Variants in UBE2E2 observed in about 807,000 individuals in gnomAD.
UBE2E2 encodes the protein ubiquitin-conjugating enzyme E2 E2.
Under a neutral mutation model 24.7 loss-of-function variants are expected in UBE2E2, and 6 were observed. The observed-to-expected ratio is 0.24, with a 90% CI of 0.13 to 0.48. The LOEUF (loss-of-function observed/expected upper bound fraction) is 0.48, where lower values mean the gene tolerates loss of function less well. Among genes scored for constraint, UBE2E2 ranks in the 20% least tolerant of loss-of-function variants. The pLI, the probability that UBE2E2 is intolerant of heterozygous loss-of-function variation, is 0.99. For missense variants in UBE2E2, 169 were observed against 245.0 expected (o/e 0.69, Z 2.07); for synonymous variants, 104 against 83.6 (o/e 1.24, Z -1.33).
At chr3:23,300,787 T>A (rs867660239) in intron 3 of UBE2E2, among the ~76,000 whole-genome samples, 1 of 152,106 alleles carries the variant, frequency 6.6e-6, no homozygotes, top group African/African-American at 2.4e-5. Flanking sequence ...TCGAGAAGTA[T>A]CTTTGTGGTG....
intron 3 of UBE2E2, among the ~76,000 whole-genome samples, chr3:23,260,650 A>G (rs778123160): frequency 1.3e-5 from 2 of 152,084 alleles, no homozygotes; most frequent in Non-Finnish European, 2.9e-5. Context: ...CCATCTCTAC[A>G]AAAAGAAGGA....
At chr3:23,222,716 T>C (rs954155247) in intron 3 of UBE2E2, among the ~76,000 whole-genome samples, 2 of 152,198 alleles carry the variant, frequency 1.3e-5, no homozygotes, top group Admixed American at 1.3e-4. Flanking sequence ...AATGGACTAA[T>C]ATATAAATAT....
intron 3 of UBE2E2, among the ~76,000 whole-genome samples, chr3:23,414,127 G>C (rs911382351): frequency 3.3e-5 from 5 of 152,164 alleles, no homozygotes; most frequent in African/African-American, 1.2e-4. Flanking sequence ...TTCAGCATGA[G>C]AAATTCCATG....
intron 4 of UBE2E2, among the ~76,000 whole-genome samples, chr3:23,514,519 C>G (rs560435328): frequency 6.6e-6 from 1 of 152,194 alleles, no homozygotes; most frequent in South Asian, 2.1e-4. Flanking sequence ...ACCCAGAAGG[C>G]AGGGCCTTGC....
chr3:23,301,047 C>G (rs984665134), intron 3 of UBE2E2, among the ~76,000 whole-genome samples: 2 of 152,230 alleles, frequency 1.3e-5, no homozygotes, highest in Admixed American at 6.5e-5. Flanking sequence ...TCTTCCATCA[C>G]TGATACCCTT....
chr3:23,350,187 A>G (rs1195440880), intron 3 of UBE2E2, among the ~76,000 whole-genome samples: 1 of 152,212 alleles, frequency 6.6e-6, no homozygotes, highest in Non-Finnish European at 1.5e-5. Flanking sequence ...TGTCTGTTAG[A>G]AGGAAAACTA....
At chr3:23,296,903 G>C (rs1195434545) in intron 3 of UBE2E2, among the ~76,000 whole-genome samples, 1 of 152,050 alleles carries the variant, frequency 6.6e-6, no homozygotes, top group African/African-American at 2.4e-5. Context: ...CACAATCGTT[G>C]AACTAGTTTA....
chr3:23,477,952 A>T (rs980692274), intron 3 of UBE2E2, among the ~76,000 whole-genome samples: 1 of 152,184 alleles, frequency 6.6e-6, no homozygotes, highest in African/African-American at 2.4e-5. Flanking sequence ...TCACTCTGTG[A>T]GGAAGGAGGT....
chr3:23,357,896 T>TA (rs1218615910), intron 3 of UBE2E2, among the ~76,000 whole-genome samples: 1 of 152,218 alleles, frequency 6.6e-6, no homozygotes, highest in African/African-American at 2.4e-5. Context: ...TGGCATGCAC[T>TA]GGCACAATCA....
chr3:23,375,268 A>G (rs1696493276), intron 3 of UBE2E2, among the ~76,000 whole-genome samples: 2 of 152,204 alleles, frequency 1.3e-5, no homozygotes, highest in Non-Finnish European at 1.5e-5. Context: ...TGGGAATCAA[A>G]CTCTGGAAAA....
chr3:23,366,039 C>T (rs962999511), intron 3 of UBE2E2, among the ~76,000 whole-genome samples: 2 of 152,070 alleles, frequency 1.3e-5, no homozygotes, highest in African/African-American at 4.8e-5. Context: ...ATAAGTGGTG[C>T]TGTGATAACT....
At chr3:23,431,200 C>T (rs781372933) in intron 3 of UBE2E2, among the ~76,000 whole-genome samples, 3 of 152,122 alleles carry the variant, frequency 2.0e-5, no homozygotes, top group Non-Finnish European at 4.4e-5. Context: ...TTTTCACAGG[C>T]TTTGGTGTGA....
intron 5 of UBE2E2, among the ~76,000 whole-genome samples, chr3:23,563,122 TG>T (rs1431006990): frequency 3.9e-5 from 6 of 152,184 alleles, no homozygotes; most frequent in African/African-American, 1.4e-4. Context: ...CTTTTGAATG[TG>T]TTTGCTCTTG....
At chr3:23,261,003 T>C (rs985979222) in intron 3 of UBE2E2, among the ~76,000 whole-genome samples, 10 of 152,108 alleles carry the variant, frequency 6.6e-5, no homozygotes, top group Admixed American at 5.9e-4. Flanking sequence ...CCTGGGAAGC[T>C]GATGTGGGAG....
intron 3 of UBE2E2, among the ~76,000 whole-genome samples, chr3:23,450,693 G>A (rs570787310): frequency 2.0e-5 from 3 of 151,736 alleles, no homozygotes; most frequent in South Asian, 2.1e-4. Context: ...TAAATATTCC[G>A]GCTTTATTTT....
chr3:23,314,927 T>G (rs60407944), intron 3 of UBE2E2, among the ~76,000 whole-genome samples: 50,674 of 152,010 alleles, frequency 0.33, 8,642 homozygotes, highest in South Asian at 0.37. Flanking sequence ...TGAGGTGGTC[T>G]TCTTTGGGTT....
intron 3 of UBE2E2, among the ~76,000 whole-genome samples, chr3:23,242,787 G>T (rs551493255): frequency 1.3e-5 from 2 of 152,184 alleles, no homozygotes; most frequent in East Asian, 3.9e-4. Flanking sequence ...TAATTGCTTT[G>T]CTTGAAAATA....
Position 23,504,940 on chromosome 3 carries a change from AC to A in UBE2E2, c.360+5201del, listed in dbSNP as rs540895110. Among the ~76,000 whole-genome samples, 42 of 43,808 alleles carry A rather than the reference AC, an allele frequency of 9.6e-4. 1 individual carries two copies. Among genetic ancestry groups the A allele is most frequent in the African/African-American group, 5.4e-3 (40 of 7,456 alleles). The allele number at this position is 43,808 out of a possible 152,430, so 28.7% of individuals were successfully genotyped here. A position where few individuals can be genotyped will look rare whatever the true frequency, so the allele number is the denominator to read the frequency against. On this transcript the variant is annotated intron_variant, in intron 4 of 5. Transcript: ENST00000396703. The stretch of plus-strand genomic sequence containing the variant: ...TTTTTTTTTTTTGAGACAGGGTCTC[AC>A]TCTGGGGCCCAGGCTGGAGTGCAGT...
chr3:23,288,907 C>G (rs1249536522), intron 3 of UBE2E2, among the ~76,000 whole-genome samples: 17 of 152,208 alleles, frequency 1.1e-4, no homozygotes, highest in Admixed American at 1.1e-3. Context: ...CATATTCTCT[C>G]TTCACACCAC....
Sources: gnomAD v4.1 joint callset for allele counts (sites outside exome capture counted in the v4.1 genomes callset) on GRCh38, gnomAD v4.1.1 for gene constraint, MANE v1.5 for transcripts, NCBI Gene and HGNC (gene_info 2026-07-23, HGNC 2026-07-21) for gene names.